The following SDK2 variants were observed in gnomAD, a reference collection of about 807,000 sequenced individuals.
SDK2 encodes the protein protein sidekick-2.
Under a neutral mutation model 253.9 loss-of-function variants are expected in SDK2, and 105 were observed. The ratio of observed to expected loss-of-function variants is 0.41; its 90% CI spans 0.35 to 0.49. The LOEUF is 0.49. Ranked by LOEUF, SDK2 falls within the 20% of genes least tolerant of loss-of-function variation. The pLI is 0.06. For missense variants in SDK2, 2,608 were observed against 3,003.0 expected (o/e 0.87, Z 3.07); for synonymous variants, 1,249 against 1,234.9 (o/e 1.01, Z -0.24).
intron 1 of SDK2, among the ~76,000 whole-genome samples, chr17:73,529,618 T>C (rs2064153742): frequency 6.6e-6 from 1 of 152,016 alleles, no homozygotes; most frequent in African/African-American, 2.4e-5. Context: ...TTGAATCCAA[T>C]GACTAGTGCC....
chr17:73,499,854 G>A (rs2063871972), intron 2 of SDK2, among the ~76,000 whole-genome samples: 1 of 141,816 alleles, frequency 7.1e-6, no homozygotes, highest in South Asian at 2.4e-4. Flanking sequence ...ATTATGCATG[G>A]GAATCTGTGT....
intron 1 of SDK2, chr17:73,520,299 C>T (rs1295133833): frequency 6.6e-6 from 1 of 152,374 alleles, no homozygotes; most frequent in Non-Finnish European, 1.5e-5. Context: ...TACTGGCTCT[C>T]ATGGTTGGCA....
intron 18 of SDK2, among the ~76,000 whole-genome samples, chr17:73,410,123 C>T (rs1263836464): frequency 1.3e-5 from 2 of 152,014 alleles, no homozygotes; most frequent in East Asian, 1.9e-4. Flanking sequence ...CAAAGTGTTG[C>T]GATTCCAGGC....
At position 73,496,431 on chromosome 17, in the gene SDK2, C is replaced by T. The variant is rs575708139; in HGVS notation, c.224+11007G>A. On this transcript the variant is annotated intron_variant, in intron 2 of 44. Transcript: ENST00000392650. This position sits in a 1 kb window ranked among gnomAD's most constrained non-coding sequence, Gnocchi z 4.7. ...GCCAGGTAGCAGAGGCGTGCGAGGA[C>T]GGTAGAGGTGGAGGACAGAGGTGGG... Among the ~76,000 whole-genome samples the T allele has an allele frequency of 8.5e-5, 13 of 152,092 alleles. No homozygotes were observed. The highest frequency in any genetic ancestry group is 1.4e-4 in the African/African-American group (6 of 41,508).
intron 1 of SDK2, among the ~76,000 whole-genome samples, chr17:73,567,492 G>C (rs1417551694): frequency 2.6e-5 from 4 of 152,262 alleles, no homozygotes; most frequent in African/African-American, 9.6e-5. Flanking sequence ...GACACTGCCT[G>C]GTGAAGCTGT....
At chr17:73,462,148 G>A (rs1412913001) in intron 3 of SDK2, among the ~76,000 whole-genome samples, 1 of 151,974 alleles carries the variant, frequency 6.6e-6, no homozygotes, top group Non-Finnish European at 1.5e-5. Flanking sequence ...GGGATGTATA[G>A]TTGTATGTAT....
At chr17:73,599,800 T>C (rs1599715133) in intron 1 of SDK2, among the ~76,000 whole-genome samples, 1 of 152,272 alleles carries the variant, frequency 6.6e-6, no homozygotes, top group East Asian at 1.9e-4. Context: ...CCCAACCTGT[T>C]CCCCACTTGC....
intron 1 of SDK2, among the ~76,000 whole-genome samples, chr17:73,581,665 C>T (rs1024035173): frequency 3.3e-5 from 5 of 152,378 alleles, no homozygotes; most frequent in African/African-American, 1.2e-4. Context: ...AGGCAACACT[C>T]TCGGAATGCC....
intron 3 of SDK2, among the ~76,000 whole-genome samples, chr17:73,461,401 GA>G (rs1394684290): frequency 6.6e-6 from 1 of 152,220 alleles, no homozygotes; most frequent in Non-Finnish European, 1.5e-5. Flanking sequence ...GACAACTGTC[GA>G]AAAGGAGGGA....
intron 33 of SDK2, 56 bp from the exon 34 acceptor site, chr17:73,381,006 G>A: frequency 1.8e-6 from 2 of 1,127,312 alleles, no homozygotes; most frequent in Admixed American, 2.0e-5. Context: ...GACAGAGGAG[G>A]TTAGTGCTCA....
In SDK2 at chr17:73,534,729, A is replaced by G. The variant is rs188387324; in HGVS notation, c.65-27132T>C. ...ACCATCCATTTGCCTGACAGCTGAG[A>G]GTGGAGTAGGCCTAGGCCCTGACCT... is the stretch of plus-strand genomic sequence containing the variant. On this transcript the variant is annotated intron_variant, in intron 1 of 44. Coordinates refer to ENST00000392650, the MANE Select transcript of SDK2 (RefSeq NM_001144952.2). The surrounding 1 kb of genome is among the most constrained non-coding windows in gnomAD (Gnocchi z 4.9). Among the ~76,000 whole-genome samples, 304 of 152,218 alleles carry G rather than the reference A, an allele frequency of 2.0e-3. 2 individuals are homozygous for G. The highest frequency in any genetic ancestry group is 7.0e-3 in the African/African-American group (291 of 41,508).
rs2062391872 is a variant in SDK2, at chr17:73,337,711, T to A, written c.*876A>T. On this transcript the variant is annotated 3_prime_UTR_variant, in exon 45 of 45. Transcript: ENST00000392650. ...GCCCACAATGCGTTAAACCTAATCA[T>A]CCCACAGTGCCAAGGCCAGTCGCCT... 6.6e-6 allele frequency: 1 copy of A among 152,216 alleles called. No individual in the cohort carries two copies. Among genetic ancestry groups the A allele is most frequent in the Admixed American group, 6.5e-5 (1 of 15,274 alleles). The allele number at this position is 152,216 out of a possible 1,614,324, so 9.4% of individuals were successfully genotyped here. A position where few individuals can be genotyped will look rare whatever the true frequency, so the allele number is the denominator to read the frequency against.
intron 22 of SDK2, among the ~76,000 whole-genome samples, chr17:73,398,854 C>T (rs757625333): frequency 1.8e-4 from 28 of 152,224 alleles, no homozygotes; most frequent in South Asian, 1.0e-3. Context: ...CAGGTGTTGG[C>T]GCTTCTGAAC....
intron 1 of SDK2, among the ~76,000 whole-genome samples, chr17:73,562,127 A>G (rs2045245394): frequency 6.6e-6 from 1 of 152,142 alleles, no homozygotes; most frequent in Non-Finnish European, 1.5e-5. Context: ...CTCCGTCTCA[A>G]AAAAAAGACA....
At chr17:73,419,422 G>A in intron 15 of SDK2, 116 bp from the exon 16 acceptor site, 3 of 1,151,338 alleles carry the variant, frequency 2.6e-6, no homozygotes, top group African/African-American at 1.5e-5. Flanking sequence ...TACAACTGCT[G>A]TGTGCATCTG....
In SDK2 at chr17:73,629,068, C is replaced by T. The variant is rs1001755476; in HGVS notation, c.64+14957G>A. ...AGTCCTGCCAGAGACTGGCCAGCAGCTGCAGTGGGTGGAGCCTGCGGAGGG... is the reference window on the plus strand; with the variant it reads ...AGTCCTGCCAGAGACTGGCCAGCAGTTGCAGTGGGTGGAGCCTGCGGAGGG... On this transcript the variant is annotated intron_variant, in intron 1 of 44. Transcript: ENST00000392650. The surrounding 1 kb of genome is among the most constrained non-coding windows in gnomAD (Gnocchi z 5.0). Among the ~76,000 whole-genome samples the T allele has an allele frequency of 6.6e-6, 1 of 152,250 alleles. No individual in the cohort carries two copies. The highest frequency in any genetic ancestry group is 2.4e-5 in the African/African-American group (1 of 41,470).
At chr17:73,608,594 C>G (rs1225400269) in intron 1 of SDK2, among the ~76,000 whole-genome samples, 1 of 152,126 alleles carries the variant, frequency 6.6e-6, no homozygotes, top group Non-Finnish European at 1.5e-5. Context: ...AGGCACCCAC[C>G]ACCACGCCCA....
intron 4 of SDK2, among the ~76,000 whole-genome samples, chr17:73,449,925 A>C (rs2063479961): frequency 6.6e-6 from 1 of 152,172 alleles, no homozygotes; most frequent in Non-Finnish European, 1.5e-5. Context: ...TCCATCTCAA[A>C]AAAACAAAAC....
intron 1 of SDK2, among the ~76,000 whole-genome samples, chr17:73,628,126 C>T (rs1464967652): frequency 1.3e-5 from 2 of 152,268 alleles, no homozygotes; most frequent in Admixed American, 6.5e-5. Flanking sequence ...TAGGGAAAGG[C>T]TAAGTCATCT....
Sources: gnomAD v4.1 joint callset for allele counts (sites outside exome capture counted in the v4.1 genomes callset) on GRCh38, gnomAD v4.1.1 for gene constraint, Gnocchi (gnomAD v3.1) non-coding constraint, MANE v1.5 for transcripts, NCBI Gene and HGNC (gene_info 2026-07-23, HGNC 2026-07-21) for gene names.